The following ST8SIA3 variants were observed in gnomAD, a reference collection of about 807,000 sequenced individuals.
ST8SIA3 encodes the protein alpha-N-acetylneuraminate alpha-2,8-sialyltransferase ST8SIA3.
In ST8SIA3, 17 loss-of-function variants were observed where a neutral mutation model predicts 34.5. The observed-to-expected ratio is 0.49, with a 90% CI of 0.34 to 0.74. ST8SIA3 has a LOEUF of 0.74. Ranked by LOEUF, ST8SIA3 falls within the 30% of genes least tolerant of loss-of-function variation. The pLI, the probability that ST8SIA3 is intolerant of heterozygous loss-of-function variation, is 0.01. For synonymous variants in ST8SIA3, 172 were observed against 176.1 expected, an observed-to-expected ratio of 0.98 and a Z score of 0.19; for missense variants, 354 against 467.8, an observed-to-expected ratio of 0.76 and a Z score of 2.24.
At chr18:57,359,037 C>A (rs2049814473) in intron 3 of ST8SIA3, among the ~76,000 whole-genome samples, 1 of 152,120 alleles carries the variant, frequency 6.6e-6, no homozygotes. Context: ...AGAAACTATC[C>A]TGTGTGGCTG....
Position 57,360,532 on chromosome 18 carries a change from G to A in ST8SIA3, c.*255G>A. On this transcript the variant is annotated 3_prime_UTR_variant, in exon 4 of 4. Transcript: ENST00000324000. The stretch of plus-strand genomic sequence containing the variant: ...TTGGGACTATGCTGCTAACGAAATG[G>A]TTTGAAGTATTTTCATGTTTGGATT... 2.2e-6 allele frequency: 1 copy of A among 458,456 alleles called. No individual in the cohort carries two copies. Among genetic ancestry groups the A allele is most frequent in the Middle Eastern group, 5.7e-4 (1 of 1,756 alleles). 28.4% of individuals were successfully genotyped at this position (458,456 alleles called of 1,614,324 possible). A position where few individuals can be genotyped will look rare whatever the true frequency, so the allele number is the denominator to read the frequency against.
Position 57,363,799 on chromosome 18 carries a change from C to G in ST8SIA3, c.*3522C>G, listed in dbSNP as rs914166625. ...CTGGAAATGAAGAGGCCTTCAGCTT[C>G]GCCAGTCTTGATTCTTGACTTTACA... is the stretch of plus-strand genomic sequence containing the variant. On this transcript the variant is annotated 3_prime_UTR_variant, in exon 4 of 4. Coordinates refer to ENST00000324000, the MANE Select transcript of ST8SIA3 (RefSeq NM_015879.3). 2.0e-5 allele frequency: 3 copies of G among 152,214 alleles called. No individual in the cohort carries two copies. Among genetic ancestry groups the G allele is most frequent in the African/African-American group, 7.2e-5 (3 of 41,462 alleles). The allele number at this position is 152,214 out of a possible 1,614,324, so 9.4% of individuals were successfully genotyped here. A position where few individuals can be genotyped will look rare whatever the true frequency, so the allele number is the denominator to read the frequency against.
chr18:57,359,929 A>G, intron 3 of ST8SIA3, 66 bp from the exon 4 acceptor site: 1 of 1,412,582 alleles, frequency 7.1e-7, no homozygotes, highest in East Asian at 2.3e-5. Flanking sequence ...GCCCAGTCAG[A>G]TAGACCTTGC....
At chr18:57,356,858 T>G in intron 2 of ST8SIA3, 55 bp from the exon 3 acceptor site, 1 of 1,155,172 alleles carries the variant, frequency 8.7e-7, no homozygotes, top group South Asian at 1.5e-5. Flanking sequence ...AGTCATAAGA[T>G]GGAAAATCAG....
At position 57,364,523 on chromosome 18, in the gene ST8SIA3, T is replaced by C. The variant is rs2049849585; in HGVS notation, c.*4246T>C. 2 of 152,228 alleles carry C rather than the reference T, an allele frequency of 1.3e-5. No individual in the cohort carries two copies. Among genetic ancestry groups the C allele is most frequent in the African/African-American group, 4.8e-5 (2 of 41,468 alleles). The allele number at this position is 152,228 out of a possible 1,614,324, so 9.4% of individuals were successfully genotyped here. A position where few individuals can be genotyped will look rare whatever the true frequency, so the allele number is the denominator to read the frequency against. ...ATTCTTAAAACCTTTTTTCCCATAA[T>C]TGTTTGAATGCACTAGGCACAAGTT... On this transcript the variant is annotated 3_prime_UTR_variant, in exon 4 of 4. Transcript: ENST00000324000.
At chr18:57,353,664 G>T (rs2049780046) in intron 1 of ST8SIA3, among the ~76,000 whole-genome samples, 1 of 151,760 alleles carries the variant, frequency 6.6e-6, no homozygotes, top group South Asian at 2.1e-4. Context: ...GCCCACCCTC[G>T]CCAGGTCGGA....
At position 57,357,136 on chromosome 18, in the gene ST8SIA3, T is replaced by C. The variant is rs767742703; in HGVS notation, c.526T>C (p.Cys176Arg). The change falls in exon 3 of 4, where the codon TGT becomes CGT. Residue 176 changes from cysteine to arginine, a missense_variant. By Grantham distance (180) the Cys-to-Arg change is radical. Coordinates refer to ENST00000324000, the MANE Select transcript of ST8SIA3 (RefSeq NM_015879.3). ...TAGTGGGATCCTGACAGGGAGCCAG[T>C]GTGGACAAGAAATAGATAAATCAGA... The part of the protein sequence containing the change: ...GNSGILTGSQ[C>R]GQEIDKSDFV... 2 of 1,614,084 alleles carry C rather than the reference T, an allele frequency of 1.2e-6. No homozygotes were observed. The highest frequency in any genetic ancestry group is 2.2e-5 in the East Asian group (1 of 44,888).
Position 57,353,169 on chromosome 18 carries a change from A to C in ST8SIA3, c.179+144A>C, listed in dbSNP as rs1282391651. On this transcript the variant is annotated intron_variant, in intron 1 of 3. Coordinates refer to ENST00000324000, the MANE Select transcript of ST8SIA3 (RefSeq NM_015879.3). Reference sequence around the variant, plus strand: ...GCGCGGTCCTTCCACTCCTCTCTCTAATTCTCCCTTCCCCCTCCCTGTTAT... The same window carrying C: ...GCGCGGTCCTTCCACTCCTCTCTCTCATTCTCCCTTCCCCCTCCCTGTTAT... 9.4e-6 allele frequency: 7 copies of C among 742,936 alleles called. No homozygotes were observed. The Admixed American group carries it at 1.9e-4, about 21-fold the overall frequency. 46.0% of individuals were successfully genotyped at this position (742,936 alleles called of 1,614,324 possible).
chr18:57,355,873 T>A (rs2049795243), intron 2 of ST8SIA3, among the ~76,000 whole-genome samples: 1 of 152,168 alleles, frequency 6.6e-6, no homozygotes, highest in African/African-American at 2.4e-5. Context: ...CTTGTAAGAG[T>A]GGTACTGGTA....
At chr18:57,359,036 C>G (rs895025079) in intron 3 of ST8SIA3, among the ~76,000 whole-genome samples, 1 of 152,176 alleles carries the variant, frequency 6.6e-6, no homozygotes, top group Non-Finnish European at 1.5e-5. Flanking sequence ...CAGAAACTAT[C>G]CTGTGTGGCT....
At position 57,352,941 on chromosome 18, in the gene ST8SIA3, C is replaced by G; in HGVS notation, c.95C>G (p.Ser32Cys). Residue 32 changes from serine (S) to cysteine (C), a missense_variant, in exon 1 of 4, where the codon TCC (serine) becomes TGC (cysteine). This residue lies in a region of ST8SIA3 where 184 missense variants were observed against 205.4 expected (regional missense o/e 0.90). Transcript: ENST00000324000. ...LLILSLISYV[S>C]LKKENIFTTP... Reference sequence around the variant, plus strand: ...ATTTTATCGCTCATCAGCTACGTGTCCCTGAAAAAGGAGAACATCTTCACC... The same window carrying G: ...ATTTTATCGCTCATCAGCTACGTGTGCCTGAAAAAGGAGAACATCTTCACC... 1 of 1,613,542 alleles carries G rather than the reference C, an allele frequency of 6.2e-7. No homozygotes were observed. Among genetic ancestry groups the G allele is most frequent in the South Asian group, 1.1e-5 (1 of 91,058 alleles).
chr18:57,354,838 AC>A lies in ST8SIA3; in HGVS notation c.302+315del, dbSNP rs757574063. 7.8e-4 allele frequency among the ~76,000 whole-genome samples: 117 copies of A among 150,486 alleles called. No individual in the cohort carries two copies. In the Middle Eastern group the frequency reaches 0.01, roughly 13 times the overall value. On this transcript the variant is annotated intron_variant, in intron 2 of 3. Coordinates refer to ENST00000324000, the MANE Select transcript of ST8SIA3 (RefSeq NM_015879.3). The stretch of plus-strand genomic sequence containing the variant: ...TTTACAGCTAACAAGTCTGGCAAGT[AC>A]TGCCAAAGCCATCTATTTAAAAAAA...
At position 57,353,018 on chromosome 18, in the gene ST8SIA3, G is replaced by A. The variant is rs2049774044; in HGVS notation, c.172G>A (p.Gly58Arg). 1.2e-6 allele frequency: 2 copies of A among 1,607,588 alleles called. No homozygotes were observed. The highest frequency in any genetic ancestry group is 2.2e-5 in the South Asian group (2 of 91,060). ...GCCCCGAATGTACATGTTCCACGCG[G>A]GATTCCGGTGAGTGCGGGCCTCTGT... The part of the protein sequence containing the change: ...GAPRMYMFHA[G>R]FRSQFALKFL... Residue 58 changes from glycine (G) to arginine (R), a missense_variant, in exon 1 of 4, where the codon GGA becomes AGA. Physicochemically the swap from Gly to Arg is moderately radical, Grantham distance 125. Coordinates refer to ENST00000324000, the MANE Select transcript of ST8SIA3 (RefSeq NM_015879.3).
rs2049856477 is a variant in ST8SIA3 at position 57,365,662 on chromosome 18, C to A, written c.*5385C>A. 1 of 152,116 alleles carries A rather than the reference C, an allele frequency of 6.6e-6. No homozygotes were observed. Among genetic ancestry groups the A allele is most frequent in the Admixed American group, 6.5e-5 (1 of 15,272 alleles). 9.4% of individuals were successfully genotyped at this position (152,116 alleles called of 1,614,324 possible). ...TGATTTATCAACCTCAGGTAGTCTC[C>A]AAAACACAAAGGTATTCAGGCTAAA... On this transcript the variant is annotated 3_prime_UTR_variant, in exon 4 of 4. Coordinates refer to ENST00000324000, the MANE Select transcript of ST8SIA3 (RefSeq NM_015879.3).
Position 57,367,262 on chromosome 18 carries a change from A to G in ST8SIA3, c.*6985A>G, listed in dbSNP as rs1336345253. 2 of 152,250 alleles carry G rather than the reference A, an allele frequency of 1.3e-5. No individual in the cohort carries two copies. The highest frequency in any genetic ancestry group is 2.9e-5 in the Non-Finnish European group (2 of 68,044). The allele number at this position is 152,250 out of a possible 1,614,324, so 9.4% of individuals were successfully genotyped here. A position where few individuals can be genotyped will look rare whatever the true frequency, so the allele number is the denominator to read the frequency against. On this transcript the variant is annotated 3_prime_UTR_variant, in exon 4 of 4. Coordinates refer to ENST00000324000, the MANE Select transcript of ST8SIA3 (RefSeq NM_015879.3). ...TTGAAACGCAAGTTGGACATTTTCT[A>G]TACTATGTGTAAAATGCCAGGTTAT...
intron 3 of ST8SIA3, among the ~76,000 whole-genome samples, chr18:57,358,863 A>AT (rs2049813489): frequency 6.6e-6 from 1 of 152,186 alleles, no homozygotes; most frequent in South Asian, 2.1e-4. Flanking sequence ...CTTTTGTTCA[A>AT]TTTAAGTTTG....
Position 57,360,330 on chromosome 18 carries a change from A to T in ST8SIA3, c.*53A>T. 1.3e-6 allele frequency: 2 copies of T among 1,533,676 alleles called. No individual in the cohort carries two copies. Among genetic ancestry groups the T allele is most frequent in the Non-Finnish European group, 8.9e-7 (1 of 1,123,472 alleles). On this transcript the variant is annotated 3_prime_UTR_variant, in exon 4 of 4. Transcript: ENST00000324000. ...CTGTTTAAAAAGTGCCCCAAATCAA[A>T]TTGAATAGCCTTCAGAATAGAACCC...
In ST8SIA3 at chr18:57,366,728, T is replaced by A. The variant is rs549336432; in HGVS notation, c.*6451T>A. On this transcript the variant is annotated 3_prime_UTR_variant, in exon 4 of 4. Transcript: ENST00000324000. ...TAAGTTGCACTCAACTGGAGTTGAT[T>A]TGCCCTTAGAAAAGTTTCCAACGGT... is the stretch of plus-strand genomic sequence containing the variant. 7 of 152,334 alleles carry A rather than the reference T, an allele frequency of 4.6e-5. No homozygotes were observed. Among genetic ancestry groups the A allele is most frequent in the African/African-American group, 1.7e-4 (7 of 41,578 alleles). 9.4% of individuals were successfully genotyped at this position (152,334 alleles called of 1,614,324 possible).
intron 2 of ST8SIA3, among the ~76,000 whole-genome samples, chr18:57,356,435 A>G (rs892748704): frequency 6.6e-6 from 1 of 152,134 alleles, no homozygotes; most frequent in African/African-American, 2.4e-5. Context: ...ACTCATATCT[A>G]TTTGGCTCTT....
Sources: gnomAD v4.1 joint callset for allele counts (sites outside exome capture counted in the v4.1 genomes callset) on GRCh38, gnomAD v4.1.1 for gene constraint, gnomAD v4.1.1 regional missense constraint, MANE v1.5 for transcripts, NCBI Gene and HGNC (gene_info 2026-07-23, HGNC 2026-07-21) for gene names.